ZNF804B: variants seen among roughly 807,000 people sequenced by gnomAD.
ZNF804B encodes zinc finger protein 804B, also known as zinc finger 804B.
A neutral mutation model predicts 101.4 loss-of-function variants in ZNF804B; 80 were observed. The observed-to-expected ratio is 0.79, with a 90% CI of 0.66 to 0.95. The LOEUF is 0.95. ZNF804B is among the 40% of genes least tolerant of loss of function. The pLI is 0.00. For synonymous variants in ZNF804B, 622 were observed against 558.8 expected, an observed-to-expected ratio of 1.11 and a Z score of -1.59; for missense variants, 1,673 against 1,561.9, an observed-to-expected ratio of 1.07 and a Z score of -1.20.
chr7:89,260,721 G>C (rs1789701013), intron 2 of ZNF804B, among the ~76,000 whole-genome samples: 1 of 152,196 alleles, frequency 6.6e-6, no homozygotes, highest in Non-Finnish European at 1.5e-5. Context: ...GTGTCTGTTG[G>C]TATAACTGCA....
chr7:89,140,820 T>G (rs537170961), intron 1 of ZNF804B, among the ~76,000 whole-genome samples: 1 of 151,864 alleles, frequency 6.6e-6, no homozygotes, highest in Admixed American at 6.6e-5. Context: ...GGAGAACTTT[T>G]AATTTTCTTC....
intron 1 of ZNF804B, among the ~76,000 whole-genome samples, chr7:88,808,921 A>T (rs372613768): frequency 1.2e-4 from 18 of 152,314 alleles, no homozygotes; most frequent in Admixed American, 7.2e-4. Flanking sequence ...ATAGTCAGCA[A>T]CTGGGTTGAA....
chr7:88,839,125 T>A (rs1791260285), intron 1 of ZNF804B, among the ~76,000 whole-genome samples: 1 of 152,028 alleles, frequency 6.6e-6, no homozygotes, highest in African/African-American at 2.4e-5. Flanking sequence ...GCTTAGCTTA[T>A]CCTCACTCCT....
At chr7:89,043,389 AC>A (rs1298698523) in intron 1 of ZNF804B, among the ~76,000 whole-genome samples, 3 of 152,208 alleles carry the variant, frequency 2.0e-5, no homozygotes, top group Non-Finnish European at 4.4e-5. Flanking sequence ...CACATAATTA[AC>A]CTTCATTGTC....
At chr7:89,064,187 T>A (rs1398182546) in intron 1 of ZNF804B, among the ~76,000 whole-genome samples, 1 of 152,074 alleles carries the variant, frequency 6.6e-6, no homozygotes, top group Admixed American at 6.6e-5. Context: ...CTACCTTGGG[T>A]CCAAATGACT....
intron 1 of ZNF804B, among the ~76,000 whole-genome samples, chr7:89,001,092 A>G (rs1788280974): frequency 6.8e-6 from 1 of 147,688 alleles, no homozygotes; most frequent in Non-Finnish European, 1.5e-5. Context: ...AAGATACACA[A>G]TTTCAGATAG....
intron 2 of ZNF804B, among the ~76,000 whole-genome samples, chr7:89,246,661 A>G (rs960969280): frequency 2.6e-5 from 4 of 151,894 alleles, no homozygotes; most frequent in Non-Finnish European, 4.4e-5. Flanking sequence ...GCAATAGATC[A>G]TGATGCAGTA....
intron 1 of ZNF804B, among the ~76,000 whole-genome samples, chr7:88,944,243 A>G (rs959209616): frequency 6.6e-6 from 1 of 151,768 alleles, no homozygotes; most frequent in African/African-American, 2.4e-5. Context: ...AGGTTATTCC[A>G]TATCGTTGTT....
chr7:89,186,181 T>G (rs1788373516), intron 1 of ZNF804B, among the ~76,000 whole-genome samples: 1 of 152,050 alleles, frequency 6.6e-6, no homozygotes, highest in African/African-American at 2.4e-5. Context: ...ACACCATTTA[T>G]GCACAAATAA....
At chr7:89,171,288 G>GCTGCTGCTTCTT (rs1215246589) in intron 1 of ZNF804B, among the ~76,000 whole-genome samples, 75 of 82,524 alleles carry the variant, frequency 9.1e-4, no homozygotes, top group African/African-American at 3.1e-3. Flanking sequence ...TGCTGCTGCT[G>GCTGCTGCTTCTT]CTTCTTCTTC....
chr7:89,291,245 T>C (rs1278739415), intron 2 of ZNF804B, among the ~76,000 whole-genome samples: 5 of 152,000 alleles, frequency 3.3e-5, no homozygotes, highest in African/African-American at 7.3e-5. Flanking sequence ...TCCACAAGCA[T>C]TGACACCATC....
chr7:89,173,948 T>A (rs1027009102), intron 1 of ZNF804B, among the ~76,000 whole-genome samples: 9 of 152,060 alleles, frequency 5.9e-5, no homozygotes, highest in Non-Finnish European at 1.3e-4. Context: ...ATATTTTTAA[T>A]TTTTACAGGT....
At chr7:89,149,062 G>A (rs1463238649) in intron 1 of ZNF804B, among the ~76,000 whole-genome samples, 1 of 151,982 alleles carries the variant, frequency 6.6e-6, no homozygotes, top group East Asian at 1.9e-4. Context: ...ATAGAAGAAG[G>A]CATCAGAAGG....
chr7:89,002,654 T>C (rs1176929724), intron 1 of ZNF804B, among the ~76,000 whole-genome samples: 1 of 151,900 alleles, frequency 6.6e-6, no homozygotes, highest in Non-Finnish European at 1.5e-5. Flanking sequence ...TAATTGACAA[T>C]TTTCACAGAT....
chr7:89,219,980 C>CATATATATGCACACACATATATACATAT (rs10640877), intron 2 of ZNF804B, among the ~76,000 whole-genome samples: 1 of 25,226 alleles, frequency 4.0e-5, no homozygotes, highest in African/African-American at 1.9e-4. Flanking sequence ...TATGTATATA[C>CATATATATGCACACACATATATACATAT]ATATGTGTGC....
chr7:88,843,484 TC>T (rs767559377), intron 1 of ZNF804B, among the ~76,000 whole-genome samples: 5 of 152,134 alleles, frequency 3.3e-5, no homozygotes, highest in Non-Finnish European at 5.9e-5. Flanking sequence ...ACGCCTGTAA[TC>T]CCAGCACTTG....
At chr7:88,787,898 G>A (rs1367077215) in intron 1 of ZNF804B, among the ~76,000 whole-genome samples, 1 of 152,100 alleles carries the variant, frequency 6.6e-6, no homozygotes, top group Non-Finnish European at 1.5e-5. Flanking sequence ...AAATGCCTAA[G>A]CAGGGCACAG....
At chr7:89,326,336 T>G (rs1236358339) in intron 2 of ZNF804B, among the ~76,000 whole-genome samples, 1 of 152,014 alleles carries the variant, frequency 6.6e-6, no homozygotes, top group Non-Finnish European at 1.5e-5. Flanking sequence ...ATGAGCATGT[T>G]TCATTTAAAG....
At chr7:88,888,661 T>C (rs2115924690) in intron 1 of ZNF804B, among the ~76,000 whole-genome samples, 1 of 152,262 alleles carries the variant, frequency 6.6e-6, no homozygotes, top group East Asian at 1.9e-4. Flanking sequence ...TGTTTGAATG[T>C]TTTACAATGA....
Sources: allele counts gnomAD v4.1 joint callset (sites outside exome capture counted in the v4.1 genomes callset), GRCh38; gene constraint gnomAD v4.1.1; transcripts MANE v1.5; gene names NCBI Gene and HGNC (gene_info 2026-07-23, HGNC 2026-07-21).